Variants in HCN1 observed in about 807,000 individuals in gnomAD.
HCN1 encodes the protein hyperpolarization activated cyclic nucleotide gated potassium channel 1, also known as potassium/sodium hyperpolarization-activated cyclic nucleotide-gated channel 1.
A neutral mutation model predicts 78.9 loss-of-function variants in HCN1; 13 were observed. The ratio of observed to expected loss-of-function variants is 0.16; its 90% CI spans 0.11 to 0.26. The LOEUF is 0.26. HCN1 is among the 10% of genes least tolerant of loss of function. HCN1 has a pLI of 1.00. For missense variants in HCN1, 810 were observed against 1,154.3 expected, an observed-to-expected ratio of 0.70 and a Z score of 4.32; for synonymous variants, 552 against 455.5, an observed-to-expected ratio of 1.21 and a Z score of -2.70.
At position 45,258,941 on chromosome 5, in the gene HCN1, C is replaced by G. The variant is rs1263327266; in HGVS notation, c.*2980G>C. The G allele has an allele frequency of 2.6e-5, 4 of 151,792 alleles. No individual in the cohort carries two copies. The highest frequency in any genetic ancestry group is 5.9e-5 in the Non-Finnish European group (4 of 67,888). 9.4% of individuals were successfully genotyped at this position (151,792 alleles called of 1,614,324 possible). A position where few individuals can be genotyped will look rare whatever the true frequency, so the allele number is the denominator to read the frequency against. On this transcript the variant is annotated 3_prime_UTR_variant, in exon 8 of 8. Coordinates refer to ENST00000303230, the MANE Select transcript of HCN1 (RefSeq NM_021072.4). ...GGAAAATTATTTCTCATCTGTATATCCAATAATTACACAAAATGGTTGTGT... is the reference window on the plus strand; with the variant it reads ...GGAAAATTATTTCTCATCTGTATATGCAATAATTACACAAAATGGTTGTGT...
At chr5:45,468,843 G>C (rs141888043) in intron 2 of HCN1, among the ~76,000 whole-genome samples, 1 of 152,132 alleles carries the variant, frequency 6.6e-6, no homozygotes, top group Non-Finnish European at 1.5e-5. Context: ...ATGCCTGGTG[G>C]CACAGAGCTC....
At chr5:45,328,841 A>G (rs947633003) in intron 5 of HCN1, among the ~76,000 whole-genome samples, 3 of 151,686 alleles carry the variant, frequency 2.0e-5, no homozygotes, top group Non-Finnish European at 4.4e-5. Flanking sequence ...ACTATACACA[A>G]TTTAGTTAAT....
intron 2 of HCN1, among the ~76,000 whole-genome samples, chr5:45,573,558 G>T (rs2083563480): frequency 6.6e-6 from 1 of 151,362 alleles, no homozygotes; most frequent in Non-Finnish European, 1.5e-5. Flanking sequence ...TTGTCCTTTG[G>T]TCAGTGAACC....
intron 2 of HCN1, among the ~76,000 whole-genome samples, chr5:45,519,709 T>C (rs761582487): frequency 2.3e-4 from 35 of 152,132 alleles, no homozygotes; most frequent in South Asian, 4.1e-4. Flanking sequence ...AGAATCTCAT[T>C]ATTCATTGAA....
intron 1 of HCN1, among the ~76,000 whole-genome samples, chr5:45,678,947 T>C (rs74535419): frequency 0.071 from 10,800 of 151,970 alleles, 561 homozygotes; most frequent in Middle Eastern, 0.15. Flanking sequence ...TCCCAGAAAA[T>C]TGTAGCCAAT....
intron 2 of HCN1, among the ~76,000 whole-genome samples, chr5:45,560,399 A>G (rs1412334071): frequency 6.6e-6 from 1 of 152,076 alleles, no homozygotes; most frequent in African/African-American, 2.4e-5. Context: ...AAAAATTACC[A>G]CAAGCCTACA....
chr5:45,677,434 G>A (rs981867119), intron 1 of HCN1, among the ~76,000 whole-genome samples: 1 of 151,742 alleles, frequency 6.6e-6, no homozygotes, highest in African/African-American at 2.4e-5. Context: ...GAGAAGCAGT[G>A]TGCAGACATG....
intron 6 of HCN1, among the ~76,000 whole-genome samples, chr5:45,292,771 G>A (rs1002036937): frequency 6.6e-6 from 1 of 151,864 alleles, no homozygotes; most frequent in African/African-American, 2.4e-5. Context: ...TAAAGATTAA[G>A]AGCAGTGACA....
At chr5:45,345,919 A>C (rs1007257084) in intron 5 of HCN1, among the ~76,000 whole-genome samples, 1 of 152,082 alleles carries the variant, frequency 6.6e-6, no homozygotes, top group Admixed American at 6.5e-5. Flanking sequence ...CTGCTAATAA[A>C]GACATACTCG....
chr5:45,495,883 G>A (rs1403325592), intron 2 of HCN1, among the ~76,000 whole-genome samples: 1 of 152,152 alleles, frequency 6.6e-6, no homozygotes, highest in Non-Finnish European at 1.5e-5. Flanking sequence ...CTTTGGTTCT[G>A]TTTATATGCT....
chr5:45,513,042 AAC>A (rs1457209504), intron 2 of HCN1, among the ~76,000 whole-genome samples: 1 of 152,134 alleles, frequency 6.6e-6, no homozygotes, highest in Non-Finnish European at 1.5e-5. Context: ...GAGACATAAA[AAC>A]ACAACATTAT....
At chr5:45,668,976 T>C (rs1455797056) in intron 1 of HCN1, among the ~76,000 whole-genome samples, 1 of 151,822 alleles carries the variant, frequency 6.6e-6, no homozygotes, top group African/African-American at 2.4e-5. Context: ...GAAAGAAGAT[T>C]AGAATGAATG....
chr5:45,293,718 C>T (rs759949543), intron 6 of HCN1, among the ~76,000 whole-genome samples: 34 of 151,912 alleles, frequency 2.2e-4, no homozygotes, highest in East Asian at 3.9e-4. Flanking sequence ...AGATATTTGG[C>T]ATTGATTCAT....
In HCN1 at chr5:45,549,325, C is replaced by A. The variant is rs528920736; in HGVS notation, c.850-87318G>T. Among the ~76,000 whole-genome samples the A allele has an allele frequency of 5.3e-5, 8 of 151,936 alleles. No individual in the cohort carries two copies. The East Asian group carries it at 1.6e-3, about 30-fold the overall frequency. The stretch of plus-strand genomic sequence containing the variant: ...TATAGACCAATGGAACATAACAGAG[C>A]CCTCAGAAATAATGCCACACATCTA... On this transcript the variant is annotated intron_variant, in intron 2 of 7. Transcript: ENST00000303230.
chr5:45,651,455 A>T (rs778551179), intron 1 of HCN1, among the ~76,000 whole-genome samples: 4 of 152,000 alleles, frequency 2.6e-5, no homozygotes, highest in Non-Finnish European at 5.9e-5. Context: ...TGAAACATGA[A>T]TTGAGCATGT....
At chr5:45,283,559 A>G (rs922462666) in intron 6 of HCN1, among the ~76,000 whole-genome samples, 1 of 152,220 alleles carries the variant, frequency 6.6e-6, no homozygotes, top group African/African-American at 2.4e-5. Flanking sequence ...ATCATTGATC[A>G]TTAGAGAAAT....
chr5:45,549,663 C>G (rs969030673), intron 2 of HCN1, among the ~76,000 whole-genome samples: 1 of 151,834 alleles, frequency 6.6e-6, no homozygotes, highest in African/African-American at 2.4e-5. Context: ...TAATTAAACT[C>G]AAGAGCTTCT....
At chr5:45,509,588 C>A (rs1003098301) in intron 2 of HCN1, among the ~76,000 whole-genome samples, 5 of 152,176 alleles carry the variant, frequency 3.3e-5, no homozygotes, top group African/African-American at 1.2e-4. Context: ...GATAGGACTT[C>A]ATTTAAAATG....
In HCN1 at chr5:45,282,280, C is replaced by T. The variant is rs115231256; in HGVS notation, c.1619-15027G>A. 5.9e-3 allele frequency among the ~76,000 whole-genome samples: 904 copies of T among 152,156 alleles called. 13 individuals carry two copies. The highest frequency in any genetic ancestry group is 0.021 in the African/African-American group (863 of 41,530). ...AAATGGGCTTTAAAAATTGTTTTCC[C>T]AATATCAATGTAAAACATGTTGTTG... On this transcript the variant is annotated intron_variant, in intron 6 of 7. Coordinates refer to ENST00000303230, the MANE Select transcript of HCN1 (RefSeq NM_021072.4).
Sources: allele counts gnomAD v4.1 joint callset (sites outside exome capture counted in the v4.1 genomes callset), GRCh38; gene constraint gnomAD v4.1.1; transcripts MANE v1.5; gene names NCBI Gene and HGNC (gene_info 2026-07-23, HGNC 2026-07-21).